Variants in SWI5 observed in about 807,000 individuals in gnomAD.
SWI5 encodes the protein SWI5 homologous recombination repair protein.
In SWI5, 12 loss-of-function variants were observed where a neutral mutation model predicts 17.0. The ratio of observed to expected loss-of-function variants is 0.71; its 90% CI spans 0.45 to 1.14. The LOEUF is 1.14. Ranked by LOEUF, SWI5 falls within the 50% of genes most tolerant of loss-of-function variation. The pLI, the probability that SWI5 is intolerant of heterozygous loss-of-function variation, is 0.00. For missense variants in SWI5, 158 were observed against 162.2 expected (o/e 0.97, Z 0.14); for synonymous variants, 61 against 64.0 (o/e 0.95, Z 0.22).
intron 2 of SWI5, among the ~76,000 whole-genome samples, chr9:128,279,142 C>T (rs1831491694): frequency 6.6e-6 from 1 of 152,134 alleles, no homozygotes; most frequent in African/African-American, 2.4e-5. Flanking sequence ...CCCTCCTGAC[C>T]TCTCCTGCCT....
At chr9:128,275,397 G>A, upstream of SWI5, 1 of 1,285,666 alleles carries the variant, frequency 7.8e-7, no homozygotes, top group Non-Finnish European at 9.9e-7. Flanking sequence ...CGTCCAAGTC[G>A]CCGCTCCGCG....
intron 2 of SWI5, among the ~76,000 whole-genome samples, chr9:128,281,956 G>A (rs1276789636): frequency 6.6e-6 from 1 of 152,236 alleles, no homozygotes; most frequent in East Asian, 1.9e-4. Flanking sequence ...GATGGCACAT[G>A]CCTGTTGTGC....
intron 4 of SWI5, among the ~76,000 whole-genome samples, chr9:128,286,775 T>C (rs993421383): frequency 2.0e-5 from 3 of 152,074 alleles, no homozygotes; most frequent in Middle Eastern, 3.4e-3. Flanking sequence ...AGGTGGGAAC[T>C]ATAGATGGAT....
chr9:128,278,661 C>T (rs1367965751), intron 2 of SWI5: 2 of 471,656 alleles, frequency 4.2e-6, no homozygotes, highest in Admixed American at 2.4e-5. Context: ...TGAGAAGACG[C>T]TTTACTGTCC....
intron 2 of SWI5, among the ~76,000 whole-genome samples, chr9:128,281,104 G>A (rs1436756247): frequency 4.3e-5 from 5 of 117,150 alleles, no homozygotes; most frequent in Non-Finnish European, 8.1e-5. Flanking sequence ...ATGGTGTGAT[G>A]TTGGCTCACC....
intron 2 of SWI5, among the ~76,000 whole-genome samples, chr9:128,282,526 T>G (rs1425692335): frequency 6.6e-6 from 1 of 152,228 alleles, no homozygotes; most frequent in East Asian, 1.9e-4. Context: ...GAGCTTTAAC[T>G]GGAAGCATCT....
At chr9:128,284,720 C>T (rs1011301351) in intron 3 of SWI5, 89 bp downstream of exon 3, 1 of 1,474,520 alleles carries the variant, frequency 6.8e-7, no homozygotes. Context: ...CTTTGGGAGG[C>T]TGAGGTGGGT....
Position 128,285,044 on chromosome 9 carries a change from C to A in SWI5, c.233+413C>A, listed in dbSNP as rs188994777. On this transcript the variant is annotated intron_variant, in intron 3 of 4. Transcript: ENST00000418976. The surrounding 1 kb of genome is among the most constrained non-coding windows in gnomAD (Gnocchi z 4.8). ...GTCGCACTGGCCTAGCATAGAAATA[C>A]GACTGTGCGCTACTCAGGAGGCTGA... 2.7e-5 allele frequency among the ~76,000 whole-genome samples: 4 copies of A among 147,630 alleles called. No homozygotes were observed. The highest frequency in any genetic ancestry group is 3.0e-5 in the Non-Finnish European group (2 of 67,448).
chr9:128,279,310 T>A (rs1358585991), intron 2 of SWI5, among the ~76,000 whole-genome samples: 2 of 152,000 alleles, frequency 1.3e-5, no homozygotes, highest in Non-Finnish European at 2.9e-5. Context: ...GACAAAGAGA[T>A]AAAGAGAAAA....
At chr9:128,283,109 GT>G (rs1831570315) in intron 2 of SWI5, among the ~76,000 whole-genome samples, 1 of 152,108 alleles carries the variant, frequency 6.6e-6, no homozygotes, top group Non-Finnish European at 1.5e-5. Context: ...GAGGTCAGGA[GT>G]TCGAGACCAG....
At chr9:128,288,770 G>C in exon 5 of SWI5, 1 of 1,594,440 alleles carries the variant, frequency 6.3e-7, no homozygotes, top group South Asian at 1.1e-5. Flanking sequence ...GTGTGGACAT[G>C]ATAAACACTG....
chr9:128,285,974 C>T lies in SWI5; in HGVS notation c.269C>T (p.Thr90Ile), dbSNP rs1831631872. The T allele has an allele frequency of 3.1e-6, 5 of 1,614,130 alleles. No homozygotes were observed. The African/African-American group carries it at 4.0e-5, about 13-fold the overall frequency. ...GTGGATGAACTGGAGGACCACATTA[C>T]CCAGCTTCACGAGTACAATGACATC... The change falls in exon 4 of 5, where the codon ACC becomes ATC. Residue 90 changes from threonine to isoleucine, a missense_variant. Physicochemically the swap from Thr to Ile is moderately conservative, Grantham distance 89. Transcript: ENST00000418976. This position sits in a 1 kb window ranked among gnomAD's most constrained non-coding sequence, Gnocchi z 4.8.
chr9:128,284,602 G>A (rs747807311), exon 3 of SWI5: 1 of 1,613,846 alleles, frequency 6.2e-7, no homozygotes, highest in Admixed American at 1.7e-5. Flanking sequence ...GGGACATGCT[G>A]GACAAGGAGA....
rs556130465 is a variant in SWI5, at chr9:128,286,094, G to GT, written c.328+62dup. On this transcript the variant is annotated intron_variant, in intron 4 of 4. Coordinates refer to ENST00000418976, the Ensembl canonical transcript of SWI5. ...TCATAGGGTGTCGTCTCGCCTAGGGGTGTTGGGTTTTGCTCCTGGGCCTCC... is the reference window on the plus strand; with the variant it reads ...TCATAGGGTGTCGTCTCGCCTAGGGGTTGTTGGGTTTTGCTCCTGGGCCTCC... 4.7e-5 allele frequency: 63 copies of GT among 1,342,134 alleles called. No individual in the cohort carries two copies. In the East Asian group the frequency reaches 1.3e-3, roughly 27 times the overall value. The allele number at this position is 1,342,134 out of a possible 1,614,324, so 83.1% of individuals were successfully genotyped here.
chr9:128,280,666 C>T (rs1475754033), intron 2 of SWI5, among the ~76,000 whole-genome samples: 1 of 152,086 alleles, frequency 6.6e-6, no homozygotes, highest in African/African-American at 2.4e-5. Context: ...TACAGGCGCC[C>T]GCCACCACGC....
chr9:128,283,500 AAAC>A (rs71381749), intron 2 of SWI5, among the ~76,000 whole-genome samples: 19 of 150,824 alleles, frequency 1.3e-4, no homozygotes, highest in Admixed American at 9.3e-4. Flanking sequence ...CCGTCTCCAA[AAAC>A]AACAACAACA....
chr9:128,283,642 AC>A (rs1831582104), intron 2 of SWI5, among the ~76,000 whole-genome samples: 1 of 152,194 alleles, frequency 6.6e-6, no homozygotes, highest in Admixed American at 6.5e-5. Flanking sequence ...GTGAAAGAAA[AC>A]CCCAAATAAC....
chr9:128,279,720 G>C (rs1831503503), intron 2 of SWI5, among the ~76,000 whole-genome samples: 1 of 152,210 alleles, frequency 6.6e-6, no homozygotes, highest in Non-Finnish European at 1.5e-5. Flanking sequence ...GCCTCCGGAT[G>C]ACTGCGGGCC....
chr9:128,277,948 C>CTTTTT (rs71381748), intron 2 of SWI5, among the ~76,000 whole-genome samples: 3 of 80,858 alleles, frequency 3.7e-5, no homozygotes, highest in South Asian at 4.5e-4. Context: ...CATTCCTTCT[C>CTTTTT]TTTTTTTTTT....
Sources: allele counts gnomAD v4.1 joint callset (sites outside exome capture counted in the v4.1 genomes callset), GRCh38; gene constraint gnomAD v4.1.1; non-coding constraint Gnocchi (gnomAD v3.1); transcripts MANE v1.5; gene names NCBI Gene and HGNC (gene_info 2026-07-23, HGNC 2026-07-21).